SYN3: variants seen among roughly 807,000 people sequenced by gnomAD.
SYN3 encodes synapsin III, also known as synapsin-3.
In SYN3, 35 loss-of-function variants were observed where a neutral mutation model predicts 65.8. That is an observed-to-expected ratio of 0.53 (90% confidence interval 0.41 to 0.70). The LOEUF (loss-of-function observed/expected upper bound fraction) is 0.70, where lower values mean the gene tolerates loss of function less well. Among genes scored for constraint, SYN3 ranks in the 30% least tolerant of loss-of-function variants. The probability of loss-of-function intolerance (pLI) is 0.00; values close to 1 mark genes in which losing one functional copy is unlikely to be tolerated. For missense variants in SYN3, 680 were observed against 749.0 expected (o/e 0.91, Z 1.08); for synonymous variants, 270 against 292.9 (o/e 0.92, Z 0.80).
intron 10 of SYN3, among the ~76,000 whole-genome samples, chr22:32,531,315 C>A (rs145835381): frequency 1.6e-4 from 24 of 152,150 alleles, no homozygotes; most frequent in South Asian, 8.3e-4. Flanking sequence ...GTGGAGTCTG[C>A]CGCGAAGGTA....
intron 1 of SYN3, among the ~76,000 whole-genome samples, chr22:33,023,117 A>C (rs1440214647): frequency 6.6e-6 from 1 of 152,162 alleles, no homozygotes; most frequent in African/African-American, 2.4e-5. Flanking sequence ...TGAGAGGCCA[A>C]GGCAGGAGGA....
chr22:32,645,989 A>AG (rs1345410800), intron 6 of SYN3, among the ~76,000 whole-genome samples: 1 of 152,122 alleles, frequency 6.6e-6, no homozygotes, highest in Non-Finnish European at 1.5e-5. Context: ...TCAGGCAAGG[A>AG]GGGGACCTGC....
intron 6 of SYN3, among the ~76,000 whole-genome samples, chr22:32,818,112 C>T (rs545867918): frequency 6.6e-6 from 1 of 152,236 alleles, no homozygotes; most frequent in East Asian, 1.9e-4. Context: ...CAACAAAATC[C>T]CCCCAAAAAG....
At chr22:32,748,546 G>A (rs1298738968) in intron 6 of SYN3, among the ~76,000 whole-genome samples, 2 of 152,200 alleles carry the variant, frequency 1.3e-5, no homozygotes, top group Non-Finnish European at 2.9e-5. Context: ...TTTTCTTGGA[G>A]TGGAGCATGG....
intron 6 of SYN3, among the ~76,000 whole-genome samples, chr22:32,816,335 G>A (rs1051244749): frequency 1.3e-5 from 2 of 152,152 alleles, no homozygotes; most frequent in African/African-American, 4.8e-5. Flanking sequence ...GTAGGTGCTC[G>A]ATAAACATGG....
intron 9 of SYN3, among the ~76,000 whole-genome samples, chr22:32,535,433 C>G (rs1601587034): frequency 6.6e-6 from 1 of 152,120 alleles, no homozygotes; most frequent in South Asian, 2.1e-4. Context: ...TTTTTTAAAG[C>G]TTTTCATGTG....
chr22:32,932,568 CA>C (rs1465897577), intron 3 of SYN3, among the ~76,000 whole-genome samples: 1 of 152,056 alleles, frequency 6.6e-6, no homozygotes, highest in African/African-American at 2.4e-5. Context: ...AAGAGAGGGG[CA>C]GGGGCAAGAG....
intron 7 of SYN3, among the ~76,000 whole-genome samples, chr22:32,559,478 C>T (rs927751501): frequency 2.6e-5 from 4 of 152,162 alleles, no homozygotes; most frequent in Non-Finnish European, 5.9e-5. Flanking sequence ...TTAATTGTCT[C>T]GTTAAAATAA....
chr22:32,734,349 G>C (rs919169656), intron 6 of SYN3, among the ~76,000 whole-genome samples: 7 of 152,228 alleles, frequency 4.6e-5, no homozygotes, highest in Non-Finnish European at 1.0e-4. Context: ...AGGTGCAGGG[G>C]GGAGAGAGTA....
intron 3 of SYN3, among the ~76,000 whole-genome samples, chr22:32,977,660 C>T (rs2052243530): frequency 6.6e-6 from 1 of 150,614 alleles, no homozygotes; most frequent in African/African-American, 2.4e-5. Context: ...AGGAGAATTG[C>T]TTGAACCCGG....
intron 2 of SYN3, among the ~76,000 whole-genome samples, chr22:32,992,460 C>A (rs758153919): frequency 6.6e-6 from 1 of 152,298 alleles, no homozygotes; most frequent in African/African-American, 2.4e-5. Context: ...CAGGTGGGAG[C>A]GTCATGAAAC....
chr22:32,669,931 C>A (rs2060338190), intron 6 of SYN3, among the ~76,000 whole-genome samples: 1 of 152,096 alleles, frequency 6.6e-6, no homozygotes, highest in Non-Finnish European at 1.5e-5. Flanking sequence ...AATACCTGTA[C>A]TTTTCAGATA....
chr22:32,564,057 C>T (rs1490250288), intron 7 of SYN3, among the ~76,000 whole-genome samples: 3 of 152,150 alleles, frequency 2.0e-5, no homozygotes, highest in Non-Finnish European at 4.4e-5. Context: ...GCTGGGGGGC[C>T]ACGCAATCCT....
intron 1 of SYN3, among the ~76,000 whole-genome samples, chr22:33,011,865 C>A (rs2053359475): frequency 6.6e-6 from 1 of 152,140 alleles, no homozygotes. Flanking sequence ...TTGTTCATAA[C>A]ATATCCTTTC....
chr22:32,709,056 A>G (rs2060919810), intron 6 of SYN3, among the ~76,000 whole-genome samples: 1 of 152,168 alleles, frequency 6.6e-6, no homozygotes, highest in African/African-American at 2.4e-5. Context: ...AGCACAGAGG[A>G]GCTGAGGTCC....
intron 3 of SYN3, among the ~76,000 whole-genome samples, chr22:32,939,733 A>G (rs1119512): frequency 0.053 from 8,131 of 152,262 alleles, 706 homozygotes; most frequent in African/African-American, 0.18. Context: ...TGAATATTCA[A>G]TAATGTGTTT....
intron 4 of SYN3, among the ~76,000 whole-genome samples, chr22:32,876,166 C>T (rs1420670710): frequency 6.6e-6 from 1 of 152,140 alleles, no homozygotes; most frequent in Non-Finnish European, 1.5e-5. Flanking sequence ...TTGGTCTCTG[C>T]TGAGGCCCCC....
intron 6 of SYN3, among the ~76,000 whole-genome samples, chr22:32,679,048 C>CTTTTTTTTTTTTTTT (rs145971116): frequency 4.7e-5 from 4 of 85,654 alleles, no homozygotes; most frequent in Non-Finnish European, 6.3e-5. Context: ...TTGTTTCTTT[C>CTTTTTTTTTTTTTTT]TTTTTTTTTT....
chr22:32,592,499 A>G (rs185928375), intron 7 of SYN3, among the ~76,000 whole-genome samples: 453 of 152,280 alleles, frequency 3.0e-3, no homozygotes, highest in African/African-American at 0.01. Context: ...TTTTAATACA[A>G]GGGGGTAATT....
Sources: gnomAD v4.1 joint callset for allele counts (sites outside exome capture counted in the v4.1 genomes callset) on GRCh38, gnomAD v4.1.1 for gene constraint, MANE v1.5 for transcripts, NCBI Gene and HGNC (gene_info 2026-07-23, HGNC 2026-07-21) for gene names.